SLC22A3: variants seen among roughly 807,000 people sequenced by gnomAD.
SLC22A3 encodes solute carrier family 22 member 3, also known as EMT organic cation transporter 3.
A neutral mutation model predicts 59.1 loss-of-function variants in SLC22A3; 51 were observed. The observed-to-expected ratio is 0.86, with a 90% CI of 0.69 to 1.09. The LOEUF (loss-of-function observed/expected upper bound fraction) is 1.09, where lower values mean the gene tolerates loss of function less well. SLC22A3 is among the 50% of genes least tolerant of loss of function. SLC22A3 has a pLI of 0.00. For missense variants in SLC22A3, 711 were observed against 726.3 expected, an observed-to-expected ratio of 0.98 and a Z score of 0.24; for synonymous variants, 325 against 292.0, an observed-to-expected ratio of 1.11 and a Z score of -1.15.
In SLC22A3 at chr6:160,452,543, G is replaced by T. The variant is rs181946142; in HGVS notation, c.*1487G>T. On this transcript the variant is annotated 3_prime_UTR_variant, in exon 11 of 11. Coordinates refer to ENST00000275300, the MANE Select transcript of SLC22A3 (RefSeq NM_021977.4). ...AATTGTATTTTGAGTGGATATTTTT[G>T]TTTGGTAACAATTAAAATTTTAAAT... 1 of 150,406 alleles carries T rather than the reference G, an allele frequency of 6.6e-6. No individual in the cohort carries two copies. Among genetic ancestry groups the T allele is most frequent in the East Asian group, 1.9e-4 (1 of 5,186 alleles). The allele number at this position is 150,406 out of a possible 1,614,324, so 9.3% of individuals were successfully genotyped here.
chr6:160,376,374 G>C (rs1260829100), intron 1 of SLC22A3, among the ~76,000 whole-genome samples: 1 of 151,814 alleles, frequency 6.6e-6, no homozygotes, highest in Non-Finnish European at 1.5e-5. Flanking sequence ...GCGGAGAGGG[G>C]TGAGGGGAGG....
intron 4 of SLC22A3, among the ~76,000 whole-genome samples, chr6:160,410,376 A>G (rs1336907270): frequency 6.6e-6 from 1 of 152,248 alleles, no homozygotes; most frequent in Non-Finnish European, 1.5e-5. Flanking sequence ...TAATTTTAAT[A>G]TATGGGCAAG....
chr6:160,364,418 C>G (rs1785132731), intron 1 of SLC22A3, among the ~76,000 whole-genome samples: 1 of 152,170 alleles, frequency 6.6e-6, no homozygotes. Flanking sequence ...ACATGTGACA[C>G]AGATGAGTAG....
At position 160,348,565 on chromosome 6, in the gene SLC22A3, A is replaced by G; in HGVS notation, c.146A>G (p.Tyr49Cys). 1.3e-6 allele frequency: 2 copies of G among 1,542,672 alleles called. No homozygotes were observed. Among genetic ancestry groups the G allele is most frequent in the Non-Finnish European group, 8.7e-7 (1 of 1,154,530 alleles). Residue 49 changes from tyrosine (Y) to cysteine (C), a missense_variant, in exon 1 of 11, where the codon TAC (tyrosine) becomes TGC (cysteine). Physicochemically the swap from Tyr to Cys is radical, Grantham distance 194. Coordinates refer to ENST00000275300, the MANE Select transcript of SLC22A3 (RefSeq NM_021977.4). ...TTCCTGGGCACGCAGCCCGACCACT[A>G]CTGGTGCCGCGGGCCAAGTGCCGCG... ...VVFLGTQPDH[Y>C]WCRGPSAAAL...
chr6:160,407,274 T>A, intron 3 of SLC22A3, 79 bp downstream of exon 3: 1 of 1,425,676 alleles, frequency 7.0e-7, no homozygotes, highest in Non-Finnish European at 9.5e-7. Flanking sequence ...TCAACCTTCC[T>A]CTTCCTCATG....
intron 5 of SLC22A3, among the ~76,000 whole-genome samples, chr6:160,413,435 A>C (rs1025362922): frequency 6.6e-6 from 1 of 152,210 alleles, no homozygotes; most frequent in Non-Finnish European, 1.5e-5. Flanking sequence ...ATCTCTATGC[A>C]TATCCCTCAG....
chr6:160,436,814 C>T lies in SLC22A3; in HGVS notation c.1010C>T (p.Ser337Phe), dbSNP rs141104413. ...ACAGATGAGGAAGTTAGTAATCCAT[C>T]CTTTTTAGATCTGGTGAGAACTCCC... is the stretch of plus-strand genomic sequence containing the variant. The part of the protein sequence containing the change: ...TVTDEEVSNP[S>F]FLDLVRTPQM... The change falls in exon 6 of 11, where the codon TCC becomes TTC. Residue 337 changes from serine to phenylalanine, a missense_variant. Physicochemically the swap from Ser to Phe is radical, Grantham distance 155 (BLOSUM62 -2). Transcript: ENST00000275300. 1 of 1,613,372 alleles carries T rather than the reference C, an allele frequency of 6.2e-7. No homozygotes were observed. Among genetic ancestry groups the T allele is most frequent in the Non-Finnish European group, 8.5e-7 (1 of 1,179,578 alleles).
chr6:160,438,924 G>A (rs1057064862), intron 7 of SLC22A3, among the ~76,000 whole-genome samples: 1 of 151,974 alleles, frequency 6.6e-6, no homozygotes, highest in Non-Finnish European at 1.5e-5. Context: ...CATATTCACA[G>A]GACATTCTCT....
At chr6:160,449,228 G>A (rs1788860100) in intron 10 of SLC22A3, among the ~76,000 whole-genome samples, 1 of 151,952 alleles carries the variant, frequency 6.6e-6, no homozygotes, top group Non-Finnish European at 1.5e-5. Flanking sequence ...TTTTGTTTTT[G>A]TTTGTTTTTG....
At position 160,348,799 on chromosome 6, in the gene SLC22A3, GC is replaced by G; in HGVS notation, c.382del (p.Arg128AlafsTer34). ...FPNRSAPLVP[C>X]RGGWRYAQAH... ...AACCGCTCGGCTCCCCTTGTGCCGT[GC>G]CGCGGCGGCTGGCGCTACGCCCAGG... On this transcript the variant is annotated frameshift_variant, in exon 1 of 11. Transcript: ENST00000275300. LOFTEE classifies it high-confidence loss of function. The G allele has an allele frequency of 6.3e-7, 1 of 1,577,148 alleles. No homozygotes were observed. The highest frequency in any genetic ancestry group is 8.5e-7 in the Non-Finnish European group (1 of 1,169,820).
intron 1 of SLC22A3, among the ~76,000 whole-genome samples, chr6:160,358,383 G>A (rs1313556067): frequency 6.6e-6 from 1 of 152,214 alleles, no homozygotes; most frequent in East Asian, 1.9e-4. Flanking sequence ...TACTGAGAAA[G>A]TTGACTCAGA....
At chr6:160,359,412 T>TA (rs1333586948) in intron 1 of SLC22A3, among the ~76,000 whole-genome samples, 1 of 152,230 alleles carries the variant, frequency 6.6e-6, no homozygotes, top group East Asian at 1.9e-4. Flanking sequence ...AATTTATTCT[T>TA]ACAGTTATCA....
At chr6:160,372,516 A>C (rs1201421336) in intron 1 of SLC22A3, among the ~76,000 whole-genome samples, 3 of 151,982 alleles carry the variant, frequency 2.0e-5, no homozygotes, top group Non-Finnish European at 4.4e-5. Context: ...TGGTGTTCTG[A>C]ATTTCCTGAA....
chr6:160,414,094 A>G (rs975690949), intron 5 of SLC22A3, among the ~76,000 whole-genome samples: 1 of 152,212 alleles, frequency 6.6e-6, no homozygotes, highest in African/African-American at 2.4e-5. Flanking sequence ...AGTTAGATCT[A>G]GAGCTTAATC....
intron 1 of SLC22A3, among the ~76,000 whole-genome samples, chr6:160,352,433 C>A (rs541505378): frequency 6.6e-6 from 1 of 152,158 alleles, no homozygotes; most frequent in East Asian, 1.9e-4. Flanking sequence ...CCCCCTGTCC[C>A]AAATATTTCA....
intron 5 of SLC22A3, among the ~76,000 whole-genome samples, chr6:160,419,251 A>G (rs554355970): frequency 6.6e-6 from 1 of 152,230 alleles, no homozygotes; most frequent in South Asian, 2.1e-4. Flanking sequence ...GCAGTCACAC[A>G]AACACCAATA....
chr6:160,355,794 C>CA (rs1223042488), intron 1 of SLC22A3, among the ~76,000 whole-genome samples: 2 of 139,024 alleles, frequency 1.4e-5, no homozygotes, highest in African/African-American at 5.2e-5. Flanking sequence ...ACAACAACAA[C>CA]AACAAAAAAC....
At chr6:160,372,939 G>A (rs1178018673) in intron 1 of SLC22A3, among the ~76,000 whole-genome samples, 1 of 151,742 alleles carries the variant, frequency 6.6e-6, no homozygotes, top group Non-Finnish European at 1.5e-5. Context: ...CATTGGGTTA[G>A]AACATGCTCC....
intron 5 of SLC22A3, among the ~76,000 whole-genome samples, chr6:160,430,980 A>G (rs894419401): frequency 6.6e-6 from 1 of 152,148 alleles, no homozygotes; most frequent in Non-Finnish European, 1.5e-5. Flanking sequence ...ACTTTTGGGG[A>G]TCATGGAAAG....
Sources: gnomAD v4.1 joint callset for allele counts (sites outside exome capture counted in the v4.1 genomes callset) on GRCh38, gnomAD v4.1.1 for gene constraint, MANE v1.5 for transcripts, NCBI Gene and HGNC (gene_info 2026-07-23, HGNC 2026-07-21) for gene names.